Variants in CD47 observed in about 807,000 individuals in gnomAD.
CD47 encodes CD47 molecule.
CD47 carries 11 observed loss-of-function variants against 44.6 expected under a neutral mutation model. The observed-to-expected ratio is 0.25, with a 90% CI of 0.16 to 0.41. The LOEUF (loss-of-function observed/expected upper bound fraction) is 0.41. CD47 is among the 10% of genes least tolerant of loss of function. CD47 has a pLI of 1.00. For missense variants in CD47, 306 were observed against 386.7 expected (o/e 0.79, Z 1.75); for synonymous variants, 140 against 136.3 (o/e 1.03, Z -0.19).
intron 10 of CD47, among the ~76,000 whole-genome samples, chr3:108,049,186 C>T (rs1220174905): frequency 1.3e-5 from 2 of 150,564 alleles, no homozygotes; most frequent in African/African-American, 2.4e-5. Context: ...TAGAACCAAG[C>T]TCCTGATTGG....
rs746980644 is a variant in CD47, at chr3:108,090,935, C to T, written c.-27G>A. The T allele has an allele frequency of 2.1e-6, 3 of 1,458,958 alleles. No homozygotes were observed. Among genetic ancestry groups the T allele is most frequent in the South Asian group, 1.3e-5 (1 of 77,424 alleles). The allele number at this position is 1,458,958 out of a possible 1,614,324, so 90.4% of individuals were successfully genotyped here. ...TCCGCGCCCGCCGCGGGGTCGCCGC[C>T]GCCGCCGCAGGTGTCCGGAGCAGCA... is the stretch of plus-strand genomic sequence containing the variant. On this transcript the variant is annotated 5_prime_UTR_variant, in exon 1 of 11. Transcript: ENST00000361309.
At chr3:108,073,051 A>G (rs1283290564) in intron 2 of CD47, among the ~76,000 whole-genome samples, 1 of 140,734 alleles carries the variant, frequency 7.1e-6, no homozygotes, top group East Asian at 2.2e-4. Flanking sequence ...TGGTGACCCC[A>G]TTTCTTCAGT....
chr3:108,046,704 A>T lies in CD47; in HGVS notation c.*584T>A, dbSNP rs2108214272. ...CCCAAGAATGAGGACCACTATCTCC[A>T]TCAATATCACATCATACGGAGATCA... On this transcript the variant is annotated 3_prime_UTR_variant, in exon 11 of 11. Transcript: ENST00000361309. 6.6e-6 allele frequency: 1 copy of T among 152,374 alleles called. No homozygotes were observed. The highest frequency in any genetic ancestry group is 2.1e-4 in the South Asian group (1 of 4,812). The allele number at this position is 152,374 out of a possible 1,614,324, so 9.4% of individuals were successfully genotyped here. A position where few individuals can be genotyped will look rare whatever the true frequency, so the allele number is the denominator to read the frequency against.
Position 108,090,877 on chromosome 3 carries a change from C to T in CD47, c.32G>A (p.Gly11Asp). 6.7e-7 allele frequency: 1 copy of T among 1,493,330 alleles called. No homozygotes were observed. The highest frequency in any genetic ancestry group is 8.9e-7 in the Non-Finnish European group (1 of 1,127,452). The allele number at this position is 1,493,330 out of a possible 1,614,324, so 92.5% of individuals were successfully genotyped here. A position where few individuals can be genotyped will look rare whatever the true frequency, so the allele number is the denominator to read the frequency against. Reference protein sequence around the residue: MWPLVAALLLGSACCGSAQLL... With the variant: MWPLVAALLLDSACCGSAQLL... The stretch of plus-strand genomic sequence containing the variant: ...GAGCCACTCACCGCAGCACGCCGAG[C>T]CCAGCAACAGCGCCGCTACCAGGGG... The change falls in exon 1 of 11, where the codon GGC becomes GAC. Residue 11 changes from glycine to aspartate, a missense_variant. Gly to Asp is a moderately conservative substitution (Grantham distance 94). Coordinates refer to ENST00000361309, the MANE Select transcript of CD47 (RefSeq NM_001777.4).
At chr3:108,089,195 T>C (rs1045970154) in intron 1 of CD47, among the ~76,000 whole-genome samples, 1 of 152,210 alleles carries the variant, frequency 6.6e-6, no homozygotes, top group Non-Finnish European at 1.5e-5. Context: ...CTCAACTGCA[T>C]AATGCCTGTA....
rs755372883 is a variant in CD47 at position 108,071,147 on chromosome 3, C to A, written c.436G>T (p.Val146Phe). ...WFSPNENILI[V>F]IFPIFAILLF... ...AGTATAGCAAAAATTGGGAAAATAA[C>A]AATAAGAATATTTTCATTTGGAGAA... Residue 146 changes from valine (V) to phenylalanine (F), a missense_variant, in exon 3 of 11, where the codon GTT becomes TTT. By Grantham distance (50) the Val-to-Phe change is conservative (BLOSUM62 -1). This residue lies in a region of CD47 where 65 missense variants were observed against 119.9 expected (regional missense o/e 0.54). Coordinates refer to ENST00000361309, the MANE Select transcript of CD47 (RefSeq NM_001777.4). 4 of 1,503,820 alleles carry A rather than the reference C, an allele frequency of 2.7e-6. No homozygotes were observed. The highest frequency in any genetic ancestry group is 3.6e-6 in the Non-Finnish European group (4 of 1,098,298). The allele number at this position is 1,503,820 out of a possible 1,614,324, so 93.2% of individuals were successfully genotyped here. A position where few individuals can be genotyped will look rare whatever the true frequency, so the allele number is the denominator to read the frequency against.
chr3:108,071,537 C>T (rs981831019), intron 2 of CD47, among the ~76,000 whole-genome samples: 1 of 152,200 alleles, frequency 6.6e-6, no homozygotes, highest in Non-Finnish European at 1.5e-5. Context: ...ACCGTGACCA[C>T]GTGTCAACAC....
rs144974808 is a variant in CD47 at position 108,074,254 on chromosome 3, T to C, written c.401-3072A>G. ...CCCAGATTCTATGTGAAACAAGAAA[T>C]ATGAGACATTTCAATGACAGAGAGG... On this transcript the variant is annotated intron_variant, in intron 2 of 10. Coordinates refer to ENST00000361309, the MANE Select transcript of CD47 (RefSeq NM_001777.4). 4.1e-3 allele frequency among the ~76,000 whole-genome samples: 631 copies of C among 152,258 alleles called. 3 individuals are homozygous for C. The highest frequency in any genetic ancestry group is 0.014 in the African/African-American group (591 of 41,544).
At chr3:108,074,159 C>T (rs759140478) in intron 2 of CD47, among the ~76,000 whole-genome samples, 1 of 152,122 alleles carries the variant, frequency 6.6e-6, no homozygotes, top group Non-Finnish European at 1.5e-5. Flanking sequence ...GAATCGCCAG[C>T]TACTTGGGGT....
At chr3:108,062,777 G>C (rs1432444284) in intron 3 of CD47, among the ~76,000 whole-genome samples, 1 of 151,048 alleles carries the variant, frequency 6.6e-6, no homozygotes, top group Non-Finnish European at 1.5e-5. Flanking sequence ...GAGTAGCTGG[G>C]ACTACAGGCA....
intron 3 of CD47, among the ~76,000 whole-genome samples, chr3:108,065,122 C>T (rs886952470): frequency 3.9e-5 from 6 of 152,104 alleles, no homozygotes; most frequent in Admixed American, 3.9e-4. Flanking sequence ...ATACACTATC[C>T]AACTTGCTCT....
chr3:108,057,014 G>A (rs977257867), intron 7 of CD47, among the ~76,000 whole-genome samples: 17 of 152,152 alleles, frequency 1.1e-4, no homozygotes, highest in African/African-American at 4.1e-4. Context: ...TGTCTGGGGT[G>A]TCTATGTCTG....
intron 9 of CD47, 72 bp downstream of exon 9, chr3:108,050,506 G>A: frequency 2.8e-6 from 2 of 722,110 alleles, no homozygotes; most frequent in East Asian, 2.8e-5. Flanking sequence ...CATAGACAGG[G>A]CATTCTAACT....
rs1357091620 is a variant in CD47 at position 108,055,535 on chromosome 3, C to A, written c.877+1942G>T. ...TTTCCTGTACCTTGTCTCTTCTTGC[C>A]TTTCAACTGACTGTAGGTGTCCCTC... On this transcript the variant is annotated intron_variant, in intron 7 of 10. Transcript: ENST00000361309. 2.3e-6 allele frequency: 3 copies of A among 1,303,868 alleles called. No individual in the cohort carries two copies. In the African/African-American group the frequency reaches 4.6e-5, roughly 20 times the overall value. 80.8% of individuals were successfully genotyped at this position (1,303,868 alleles called of 1,614,324 possible). A position where few individuals can be genotyped will look rare whatever the true frequency, so the allele number is the denominator to read the frequency against.
intron 3 of CD47, among the ~76,000 whole-genome samples, chr3:108,062,546 C>A (rs2079032317): frequency 6.6e-6 from 1 of 152,012 alleles, no homozygotes; most frequent in African/African-American, 2.4e-5. Context: ...AAAAAAGCTA[C>A]TAAGATCAAG....
intron 3 of CD47, among the ~76,000 whole-genome samples, chr3:108,065,646 A>C (rs1256226674): frequency 6.6e-6 from 1 of 151,824 alleles, no homozygotes; most frequent in Non-Finnish European, 1.5e-5. Flanking sequence ...CCCCATCACT[A>C]CTAAAAATAC....
At position 108,046,034 on chromosome 3, in the gene CD47, C is replaced by T. The variant is rs2078717755; in HGVS notation, c.*1254G>A. ...GCACATACAAACACACATCCACAAA[C>T]AGGTAAAAAACGAATGCTAAAAGTC... is the stretch of plus-strand genomic sequence containing the variant. On this transcript the variant is annotated 3_prime_UTR_variant, in exon 11 of 11. Transcript: ENST00000361309. The T allele has an allele frequency of 6.6e-6, 1 of 152,190 alleles. No individual in the cohort carries two copies. The highest frequency in any genetic ancestry group is 2.4e-5 in the African/African-American group (1 of 41,438). The allele number at this position is 152,190 out of a possible 1,614,324, so 9.4% of individuals were successfully genotyped here.
At chr3:108,049,674 C>G (rs1336486426) in intron 9 of CD47, 23 bp from the exon 10 acceptor site, 1 of 1,589,600 alleles carries the variant, frequency 6.3e-7, no homozygotes, top group Non-Finnish European at 8.6e-7. Context: ...ACAAGCCAAG[C>G]AGGCAGTTAG....
At chr3:108,056,990 T>C (rs2078922894) in intron 7 of CD47, among the ~76,000 whole-genome samples, 1 of 152,200 alleles carries the variant, frequency 6.6e-6, no homozygotes, top group African/African-American at 2.4e-5. Context: ...TGATAGATTG[T>C]GAATTTTAAT....
Sources: allele counts gnomAD v4.1 joint callset (sites outside exome capture counted in the v4.1 genomes callset), GRCh38; gene constraint gnomAD v4.1.1; regional missense constraint gnomAD v4.1.1; transcripts MANE v1.5; gene names NCBI Gene and HGNC (gene_info 2026-07-23, HGNC 2026-07-21).